Variants in MAGI2 observed in about 807,000 individuals in gnomAD.
MAGI2 encodes membrane associated guanylate kinase, WW and PDZ domain containing 2.
A neutral mutation model predicts 133.3 loss-of-function variants in MAGI2; 35 were observed. The observed-to-expected ratio is 0.26, with a 90% CI of 0.20 to 0.35. MAGI2 has a LOEUF of 0.35. Among genes scored for constraint, MAGI2 ranks in the 10% least tolerant of loss-of-function variants. The pLI, the probability that MAGI2 is intolerant of heterozygous loss-of-function variation, is 1.00. For missense variants in MAGI2, 1,636 were observed against 1,863.4 expected, an observed-to-expected ratio of 0.88 and a Z score of 2.25; for synonymous variants, 729 against 710.6, an observed-to-expected ratio of 1.03 and a Z score of -0.41.
intron 1 of MAGI2, among the ~76,000 whole-genome samples, chr7:79,187,670 T>C (rs1827284980): frequency 6.6e-6 from 1 of 151,842 alleles, no homozygotes; most frequent in Admixed American, 6.6e-5. Flanking sequence ...AGAAAACATC[T>C]CAATTTTACT....
chr7:79,425,980 T>A (rs1273640960), intron 1 of MAGI2, among the ~76,000 whole-genome samples: 1 of 152,180 alleles, frequency 6.6e-6, no homozygotes, highest in Non-Finnish European at 1.5e-5. Flanking sequence ...TTCAAAGAAA[T>A]ACACAAATGA....
chr7:78,515,052 T>C (rs112330033), intron 4 of MAGI2, among the ~76,000 whole-genome samples: 1 of 152,180 alleles, frequency 6.6e-6, no homozygotes, highest in Non-Finnish European at 1.5e-5. Flanking sequence ...TTAAAATATA[T>C]GCGCATTTCT....
intron 1 of MAGI2, among the ~76,000 whole-genome samples, chr7:79,307,474 G>A (rs371227547): frequency 6.6e-6 from 1 of 152,160 alleles, no homozygotes; most frequent in Non-Finnish European, 1.5e-5. Flanking sequence ...GTCAGGGTGT[G>A]AGAAAATTGC....
At chr7:78,760,957 G>A (rs375415894) in intron 2 of MAGI2, among the ~76,000 whole-genome samples, 1 of 152,212 alleles carries the variant, frequency 6.6e-6, no homozygotes. Context: ...TTTGTTGAAT[G>A]CCTACAATGT....
At chr7:78,945,094 C>T (rs1323812411) in intron 2 of MAGI2, among the ~76,000 whole-genome samples, 1 of 151,844 alleles carries the variant, frequency 6.6e-6, no homozygotes, top group African/African-American at 2.4e-5. Context: ...TTGCTGTGTT[C>T]CCCACACTGG....
At chr7:78,590,124 G>T (rs1206574869) in intron 3 of MAGI2, among the ~76,000 whole-genome samples, 1 of 152,202 alleles carries the variant, frequency 6.6e-6, no homozygotes, top group Non-Finnish European at 1.5e-5. Context: ...AGGCAGAAGA[G>T]GGAGTAGTTT....
At chr7:78,837,438 A>G (rs1403931824) in intron 2 of MAGI2, among the ~76,000 whole-genome samples, 4 of 152,106 alleles carry the variant, frequency 2.6e-5, no homozygotes, top group African/African-American at 9.7e-5. Flanking sequence ...TACAGACATA[A>G]AGAAATTTTC....
Position 78,645,755 on chromosome 7 carries a change from C to T in MAGI2, c.419-18516G>A, listed in dbSNP as rs1161026920. 2.7e-5 allele frequency among the ~76,000 whole-genome samples: 4 copies of T among 149,608 alleles called. No individual in the cohort carries two copies. The South Asian group carries it at 8.5e-4, about 32-fold the overall frequency. ...AGCAAAACTTTTTTTTTTTTTTTCC[C>T]CGAGACATTGTCATTCTCTGTTGCC... On this transcript the variant is annotated intron_variant, in intron 2 of 21. Coordinates refer to ENST00000354212, the MANE Select transcript of MAGI2 (RefSeq NM_012301.4).
At chr7:78,642,558 T>C (rs1440859092) in intron 2 of MAGI2, among the ~76,000 whole-genome samples, 1 of 152,168 alleles carries the variant, frequency 6.6e-6, no homozygotes, top group African/African-American at 2.4e-5. Context: ...TCCAAATATA[T>C]ATGAAATGTT....
chr7:78,333,018 C>A (rs1789390422), intron 9 of MAGI2, among the ~76,000 whole-genome samples: 1 of 152,170 alleles, frequency 6.6e-6, no homozygotes, highest in Non-Finnish European at 1.5e-5. Flanking sequence ...AATGTCTAAA[C>A]AGGCAAAATG....
At chr7:78,039,542 C>A (rs1313060615) in intron 21 of MAGI2, 2 of 152,198 alleles carry the variant, frequency 1.3e-5, no homozygotes, top group Non-Finnish European at 2.9e-5. Context: ...GAAAATTAGA[C>A]CTTCTTTCCA....
At chr7:78,807,519 A>G (rs1038410826) in intron 2 of MAGI2, among the ~76,000 whole-genome samples, 8 of 152,094 alleles carry the variant, frequency 5.3e-5, no homozygotes, top group African/African-American at 1.9e-4. Flanking sequence ...CTGTCTACTC[A>G]TGACAGAATG....
chr7:78,282,371 C>T (rs1795700666), intron 9 of MAGI2, among the ~76,000 whole-genome samples: 1 of 152,064 alleles, frequency 6.6e-6, no homozygotes, highest in African/African-American at 2.4e-5. Context: ...GACAAGTAGG[C>T]AAACCCAGCA....
chr7:78,143,462 C>T (rs1000089442), intron 16 of MAGI2, among the ~76,000 whole-genome samples: 5 of 151,888 alleles, frequency 3.3e-5, no homozygotes, highest in African/African-American at 9.7e-5. Context: ...TATTACAGAG[C>T]CTCATCAAGT....
At chr7:78,347,649 T>C (rs1431280118) in intron 7 of MAGI2, among the ~76,000 whole-genome samples, 1 of 152,238 alleles carries the variant, frequency 6.6e-6, no homozygotes, top group African/African-American at 2.4e-5. Flanking sequence ...TCATCATTTT[T>C]CATCCATAAG....
chr7:79,387,114 G>GTC lies in MAGI2; in HGVS notation c.301+65905_301+65906insGA, dbSNP rs1214033846. On this transcript the variant is annotated intron_variant, in intron 1 of 21. Coordinates refer to ENST00000354212, the MANE Select transcript of MAGI2 (RefSeq NM_012301.4). ...TATGCTTGTGTGTGTGTGTGTGTGT[G>GTC]TGTGTGTGTGTGTGTTAACATTAAC... Among the ~76,000 whole-genome samples, 15 of 151,728 alleles carry GTC rather than the reference G, an allele frequency of 9.9e-5. No individual in the cohort carries two copies. The East Asian group carries it at 2.5e-3, about 26-fold the overall frequency.
intron 2 of MAGI2, among the ~76,000 whole-genome samples, chr7:78,697,022 G>A (rs1310492867): frequency 6.6e-6 from 1 of 152,142 alleles, no homozygotes; most frequent in Non-Finnish European, 1.5e-5. Flanking sequence ...ACTACAACAT[G>A]TGCTATGTGG....
chr7:79,347,479 C>A (rs2129106446), intron 1 of MAGI2, among the ~76,000 whole-genome samples: 1 of 151,698 alleles, frequency 6.6e-6, no homozygotes, highest in African/African-American at 2.4e-5. Flanking sequence ...TTTGTCTGCA[C>A]AGCTTCATTG....
chr7:78,136,344 T>C (rs1454229246), intron 16 of MAGI2, among the ~76,000 whole-genome samples: 1 of 152,080 alleles, frequency 6.6e-6, no homozygotes, highest in Non-Finnish European at 1.5e-5. Context: ...ATGGTCTCGA[T>C]CTCCTGACCT....
Sources: allele counts gnomAD v4.1 joint callset (sites outside exome capture counted in the v4.1 genomes callset), GRCh38; gene constraint gnomAD v4.1.1; transcripts MANE v1.5; gene names NCBI Gene and HGNC (gene_info 2026-07-23, HGNC 2026-07-21).